Variants in OVCH1 observed in about 807,000 individuals in gnomAD.
OVCH1 encodes ovochymase-1.
OVCH1 carries 139 observed loss-of-function variants against 138.4 expected under a neutral mutation model. The observed-to-expected ratio is 1.00, with a 90% CI of 0.87 to 1.16. The LOEUF is 1.16. OVCH1 is among the 50% of genes most tolerant of loss of function. The pLI, the probability that OVCH1 is intolerant of heterozygous loss-of-function variation, is 0.00. For synonymous variants in OVCH1, 453 were observed against 467.8 expected, an observed-to-expected ratio of 0.97 and a Z score of 0.41; for missense variants, 1,367 against 1,357.9, an observed-to-expected ratio of 1.01 and a Z score of -0.11.
At chr12:29,454,960 A>C (rs1316545156) in intron 20 of OVCH1, 27 bp from the exon 21 acceptor site, 1 of 1,556,258 alleles carries the variant, frequency 6.4e-7, no homozygotes, top group African/African-American at 1.4e-5. Flanking sequence ...CATGTTAAAA[A>C]TAAAGATGAA....
chr12:29,449,487 T>C (rs1048563377), intron 22 of OVCH1, among the ~76,000 whole-genome samples: 1 of 152,134 alleles, frequency 6.6e-6, no homozygotes, highest in African/African-American at 2.4e-5. Context: ...TTGCTTTCTA[T>C]CCATGACCAT....
chr12:29,409,615 G>A (rs1940927023), downstream of OVCH1, among the ~76,000 whole-genome samples: 1 of 152,124 alleles, frequency 6.6e-6, no homozygotes, highest in South Asian at 2.1e-4. Context: ...TAGTTGAGTG[G>A]TTTTGAGTGA....
At chr12:29,458,115 A>G (rs1013333630) in intron 19 of OVCH1, among the ~76,000 whole-genome samples, 15 of 152,128 alleles carry the variant, frequency 9.9e-5, no homozygotes, top group African/African-American at 2.9e-4. Context: ...TACCAATGAC[A>G]TTTTTCACAG....
exon 28 of OVCH1, chr12:29,427,629 G>A: frequency 6.4e-7 from 1 of 1,551,216 alleles, no homozygotes; most frequent in South Asian, 1.2e-5. Context: ...CTGGATCCTG[G>A]ACTTCTCAGC....
intron 22 of OVCH1, 139 bp from the exon 23 acceptor site, chr12:29,445,542 A>C (rs952562189): frequency 4.6e-6 from 4 of 874,938 alleles, no homozygotes; most frequent in Non-Finnish European, 5.1e-6. Context: ...AGGACTCCAG[A>C]ACATAAGTGA....
chr12:29,454,798 T>C, intron 21 of OVCH1, 43 bp downstream of exon 21: 12 of 1,525,920 alleles, frequency 7.9e-6, no homozygotes, highest in East Asian at 2.3e-5. Flanking sequence ...TCTTGCCAAA[T>C]TCTGGCTGAA....
At chr12:29,442,200 T>C (rs1281912022) in intron 25 of OVCH1, among the ~76,000 whole-genome samples, 1 of 151,832 alleles carries the variant, frequency 6.6e-6, no homozygotes, top group Non-Finnish European at 1.5e-5. Flanking sequence ...CTATTCACAA[T>C]AGCAAAGACT....
At chr12:29,445,477 C>A in intron 22 of OVCH1, 74 bp from the exon 23 acceptor site, 1 of 1,402,574 alleles carries the variant, frequency 7.1e-7, no homozygotes, top group Non-Finnish European at 9.7e-7. Context: ...TTAGGCCGAG[C>A]AATTAATTTA....
At chr12:29,444,994 G>A (rs1941575511) in intron 23 of OVCH1, among the ~76,000 whole-genome samples, 1 of 152,070 alleles carries the variant, frequency 6.6e-6, no homozygotes, top group South Asian at 2.1e-4. Context: ...AACATTCTTT[G>A]TGGTATAAAA....
At chr12:29,415,863 A>G (rs1336835319) in intron 3 of OVCH1, among the ~76,000 whole-genome samples, 1 of 152,218 alleles carries the variant, frequency 6.6e-6, no homozygotes, top group Non-Finnish European at 1.5e-5. Context: ...TTCACCAAGA[A>G]TAAATTGGAA....
intron 17 of OVCH1, 21 bp from the exon 18 acceptor site, chr12:29,464,723 C>A: frequency 6.3e-7 from 1 of 1,588,828 alleles, no homozygotes; most frequent in Non-Finnish European, 8.6e-7. Flanking sequence ...GGCAAGTAAG[C>A]AAATTACAAC....
At position 29,439,302 on chromosome 12, in the gene OVCH1, TCTAATCAC is replaced by T. The variant is rs1941424845; in HGVS notation, c.3264+18_3264+25del. On this transcript the variant is annotated intron_variant, in intron 26 of 27. Transcript: ENST00000318184. ...GTTAAGATGTTATATAAGCCCAAGT[TCTAATCAC>T]CTCTTTGAGTTACTCACCACTGAAT... 3 of 1,462,240 alleles carry T rather than the reference TCTAATCAC, an allele frequency of 2.1e-6. No individual in the cohort carries two copies. The Admixed American group carries it at 7.6e-5, about 37-fold the overall frequency. The allele number at this position is 1,462,240 out of a possible 1,614,324, so 90.6% of individuals were successfully genotyped here.
intron 8 of OVCH1, among the ~76,000 whole-genome samples, chr12:29,482,743 C>T (rs1203533736): frequency 6.6e-6 from 1 of 152,192 alleles, no homozygotes; most frequent in Non-Finnish European, 1.5e-5. Flanking sequence ...CTGATTTTTA[C>T]TTCTAAAATA....
chr12:29,485,452 C>A (rs933500983), intron 8 of OVCH1, among the ~76,000 whole-genome samples: 1 of 151,236 alleles, frequency 6.6e-6, no homozygotes, highest in East Asian at 1.9e-4. Flanking sequence ...ACCAGCCTGG[C>A]CAACATGGTG....
chr12:29,476,820 C>T (rs1229875456), intron 12 of OVCH1, among the ~76,000 whole-genome samples: 2 of 150,144 alleles, frequency 1.3e-5, no homozygotes, highest in East Asian at 4.0e-4. Context: ...TTAGTAAATG[C>T]TCAAAATACC....
chr12:29,485,044 A>G (rs982976373), intron 8 of OVCH1, among the ~76,000 whole-genome samples: 3 of 152,198 alleles, frequency 2.0e-5, no homozygotes, highest in African/African-American at 7.2e-5. Context: ...CTTCAGATTT[A>G]ACATTTATCC....
intron 24 of OVCH1, 73 bp downstream of exon 24, chr12:29,444,072 T>C: frequency 6.8e-7 from 1 of 1,461,156 alleles, no homozygotes. Flanking sequence ...TTTAAGCAAG[T>C]ACCAAGTGTT....
chr12:29,445,507 A>G, intron 22 of OVCH1, 104 bp from the exon 23 acceptor site: 2 of 1,145,446 alleles, frequency 1.7e-6, no homozygotes, highest in Non-Finnish European at 2.4e-6. Context: ...GTAGGAATTG[A>G]TTCCATTCTG....
At position 29,477,240 on chromosome 12, in the gene OVCH1, A is replaced by G; in HGVS notation, c.1247-8T>C. Reference sequence around the variant, plus strand: ...GACTCCCACAACCTGACCCTGTGGAAGCATTGGGGAAATTCAAAGTGAATG... The same window carrying G: ...GACTCCCACAACCTGACCCTGTGGAGGCATTGGGGAAATTCAAAGTGAATG... On this transcript the variant is annotated splice_region_variant and splice_polypyrimidine_tract_variant and intron_variant, in intron 11 of 27. Transcript: ENST00000318184. The G allele has an allele frequency of 6.2e-7, 1 of 1,613,354 alleles. No homozygotes were observed. The highest frequency in any genetic ancestry group is 8.5e-7 in the Non-Finnish European group (1 of 1,179,530).
Sources: allele counts gnomAD v4.1 joint callset (sites outside exome capture counted in the v4.1 genomes callset), GRCh38; gene constraint gnomAD v4.1.1; transcripts MANE v1.5; gene names NCBI Gene and HGNC (gene_info 2026-07-23, HGNC 2026-07-21).